Variants in NCALD observed in about 807,000 individuals in gnomAD.
The protein encoded by NCALD is neurocalcin-delta.
In NCALD, 10 loss-of-function variants were observed where a neutral mutation model predicts 18.6. That is an observed-to-expected ratio of 0.54 (90% CI 0.33 to 0.91). NCALD has a LOEUF of 0.91. Among genes scored for constraint, NCALD ranks in the 40% least tolerant of loss-of-function variants. The probability of loss-of-function intolerance (pLI) is 0.03; values close to 1 mark genes in which losing one functional copy is unlikely to be tolerated. For synonymous variants in NCALD, 88 were observed against 87.4 expected, an observed-to-expected ratio of 1.01 and a Z score of -0.04; for missense variants, 184 against 247.6, an observed-to-expected ratio of 0.74 and a Z score of 1.72.
intron 4 of NCALD, among the ~76,000 whole-genome samples, chr8:101,816,467 C>T (rs1813500378): frequency 1.3e-5 from 2 of 152,068 alleles, no homozygotes; most frequent in African/African-American, 4.8e-5. Flanking sequence ...TTTTGCTGTG[C>T]CCCCCGCCAA....
At chr8:102,050,099 T>C (rs1193455219) in intron 1 of NCALD, among the ~76,000 whole-genome samples, 20 of 138,284 alleles carry the variant, frequency 1.4e-4, no homozygotes, top group Non-Finnish European at 2.4e-4. Context: ...GAAGCGGAGC[T>C]TGCAGTGAGC....
chr8:102,024,434 G>A (rs766954078), intron 1 of NCALD, among the ~76,000 whole-genome samples: 12 of 152,226 alleles, frequency 7.9e-5, no homozygotes, highest in Non-Finnish European at 1.6e-4. Flanking sequence ...AGTTGCTTAT[G>A]TAACATCAGG....
At chr8:101,984,035 T>C in intron 2 of NCALD, among the ~76,000 whole-genome samples, 1 of 152,244 alleles carries the variant, frequency 6.6e-6, no homozygotes. Context: ...GTTTCCTGCC[T>C]GGACCCTGTG....
intron 2 of NCALD, among the ~76,000 whole-genome samples, chr8:102,009,335 A>G (rs1821825097): frequency 6.6e-6 from 1 of 152,244 alleles, no homozygotes; most frequent in Non-Finnish European, 1.5e-5. Flanking sequence ...ATTAATGAGA[A>G]TTAGATTAAC....
At chr8:101,899,926 G>A (rs1181583468) in intron 3 of NCALD, among the ~76,000 whole-genome samples, 1 of 151,808 alleles carries the variant, frequency 6.6e-6, no homozygotes, top group Non-Finnish European at 1.5e-5. Context: ...TTTTCTAGAA[G>A]AGGTTGTAGA....
intron 1 of NCALD, among the ~76,000 whole-genome samples, chr8:102,064,125 C>T (rs1043615385): frequency 4.6e-5 from 7 of 152,288 alleles, no homozygotes; most frequent in East Asian, 3.9e-4. Context: ...AATGATTACA[C>T]GAACAAATGC....
At chr8:101,944,025 A>G (rs926790058) in intron 2 of NCALD, among the ~76,000 whole-genome samples, 1 of 152,186 alleles carries the variant, frequency 6.6e-6, no homozygotes, top group Non-Finnish European at 1.5e-5. Context: ...TGCTTACTCT[A>G]ATAGTAAGCA....
chr8:102,029,873 A>C (rs1183128795), intron 1 of NCALD, among the ~76,000 whole-genome samples: 1 of 152,176 alleles, frequency 6.6e-6, no homozygotes, highest in Admixed American at 6.5e-5. Context: ...AATAAGATTA[A>C]TTATATTATT....
At chr8:101,947,471 T>C (rs561639815) in intron 2 of NCALD, among the ~76,000 whole-genome samples, 1 of 152,294 alleles carries the variant, frequency 6.6e-6, no homozygotes, top group African/African-American at 2.4e-5. Flanking sequence ...TCTGGCTCCT[T>C]CTGACTTCTT....
chr8:102,031,598 T>A (rs1822672379), intron 1 of NCALD, among the ~76,000 whole-genome samples: 1 of 152,194 alleles, frequency 6.6e-6, no homozygotes, highest in African/African-American at 2.4e-5. Context: ...TGATGTAGTT[T>A]GATTTAAAAA....
At chr8:101,878,715 T>G (rs1459410437) in intron 4 of NCALD, among the ~76,000 whole-genome samples, 1 of 152,184 alleles carries the variant, frequency 6.6e-6, no homozygotes, top group Non-Finnish European at 1.5e-5. Context: ...TAAAAATAAA[T>G]CAGACTGATG....
chr8:101,806,201 G>A (rs1446272852), intron 4 of NCALD, among the ~76,000 whole-genome samples: 1 of 151,880 alleles, frequency 6.6e-6, no homozygotes, highest in Non-Finnish European at 1.5e-5. Flanking sequence ...AAACCCCCAA[G>A]CAAACAGCAA....
At chr8:101,896,714 C>G (rs576296600) in intron 3 of NCALD, among the ~76,000 whole-genome samples, 2 of 146,296 alleles carry the variant, frequency 1.4e-5, no homozygotes, top group South Asian at 2.1e-4. Context: ...AGGACATGAA[C>G]AGACGCTTCT....
At chr8:101,876,644 C>G (rs965907126) in intron 4 of NCALD, among the ~76,000 whole-genome samples, 9 of 152,154 alleles carry the variant, frequency 5.9e-5, no homozygotes, top group Admixed American at 2.0e-4. Context: ...ACAGACTAAG[C>G]ATTTTGCTTA....
chr8:101,916,747 A>C (rs1294242795), intron 2 of NCALD, among the ~76,000 whole-genome samples: 1 of 152,124 alleles, frequency 6.6e-6, no homozygotes, highest in Non-Finnish European at 1.5e-5. Context: ...AATAACAGTA[A>C]AAAAGGACAA....
chr8:101,804,523 A>AGATTATATAATATATAATTAATATAATT lies in NCALD; in HGVS notation c.-20+82590_-20+82617dup, dbSNP rs1174489572. On this transcript the variant is annotated intron_variant, in intron 4 of 6. Coordinates refer to the NCALD transcript ENST00000311028. ...TAATTAATTATATAATATATAACAA[A>AGATTATATAATATATAATTAATATAATT]GATTATATAATATATAATTAATATA... Among the ~76,000 whole-genome samples, 126 of 117,552 alleles carry AGATTATATAATATATAATTAATATAATT rather than the reference A, an allele frequency of 1.1e-3. 1 individual carries two copies. The highest frequency in any genetic ancestry group is 2.0e-3 in the African/African-American group (52 of 25,614). 77.1% of individuals were successfully genotyped at this position (117,552 alleles called of 152,430 possible).
chr8:102,031,144 C>T (rs1204183906), intron 1 of NCALD, among the ~76,000 whole-genome samples: 3 of 152,074 alleles, frequency 2.0e-5, no homozygotes, highest in Non-Finnish European at 4.4e-5. Flanking sequence ...ACCTCAAATT[C>T]CAGCCACCAT....
chr8:101,947,889 T>G (rs539146576), intron 2 of NCALD, among the ~76,000 whole-genome samples: 1 of 152,280 alleles, frequency 6.6e-6, no homozygotes, highest in East Asian at 1.9e-4. Flanking sequence ...CGTGCAAAGG[T>G]CCTGAGGCAA....
intron 4 of NCALD, among the ~76,000 whole-genome samples, chr8:101,830,016 C>G (rs1814107694): frequency 1.5e-5 from 2 of 130,934 alleles, no homozygotes; most frequent in Non-Finnish European, 3.1e-5. Context: ...TCAAAAGAAG[C>G]TGCTAAATAT....
Sources: gnomAD v4.1 joint callset for allele counts (sites outside exome capture counted in the v4.1 genomes callset) on GRCh38, gnomAD v4.1.1 for gene constraint, MANE v1.5 for transcripts, NCBI Gene and HGNC (gene_info 2026-07-23, HGNC 2026-07-21) for gene names.